The following PABIR3 variants were observed in gnomAD, a reference collection of about 807,000 sequenced individuals.
The protein encoded by PABIR3 is PABIR family member 3, also known as PABIR family member 1.
A neutral mutation model predicts 23.1 loss-of-function variants in PABIR3; 20 were observed. The observed-to-expected ratio is 0.86, with a 90% confidence interval of 0.61 to 1.26. The LOEUF is 1.26. Ranked by LOEUF, PABIR3 falls within the 50% of genes most tolerant of loss-of-function variation. The pLI, the probability that PABIR3 is intolerant of heterozygous loss-of-function variation, is 0.00. For synonymous variants in PABIR3, 69 were observed against 68.5 expected, an observed-to-expected ratio of 1.01 and a Z score of -0.04; for missense variants, 189 against 195.4, an observed-to-expected ratio of 0.97 and a Z score of 0.20.
intron 4 of PABIR3, among the ~76,000 whole-genome samples, chrX:134,832,274 C>CA (rs1278569121): frequency 3.9e-5 from 4 of 101,331 alleles, no homozygotes; most frequent in African/African-American, 7.1e-5. Context: ...GACTCCGTCT[C>CA]AAAAAAAAGA....
chrX:134,822,704 TAA>T (rs1477637358), intron 3 of PABIR3: 7 of 680,066 alleles, frequency 1.0e-5, no homozygotes, highest in African/African-American at 9.5e-5. Flanking sequence ...TTCTCACTTA[TAA>T]GTCGGAGCTA....
At chrX:134,797,868 C>T (rs2079945569) in intron 1 of PABIR3, among the ~76,000 whole-genome samples, 1 of 104,702 alleles carries the variant, frequency 9.6e-6, no homozygotes. Flanking sequence ...GGCTGGAGGG[C>T]AGTGCACGAT....
At chrX:134,821,548 G>T in intron 3 of PABIR3, 2 of 1,150,810 alleles carry the variant, frequency 1.7e-6, no homozygotes, top group Non-Finnish European at 2.3e-6. Flanking sequence ...AAAGGAAGCA[G>T]GGGAAATGTC....
At chrX:134,843,165 C>T (rs1049743266) in intron 4 of PABIR3, among the ~76,000 whole-genome samples, 22 of 110,257 alleles carry the variant, frequency 2.0e-4, no homozygotes, top group Non-Finnish European at 9.5e-5. Flanking sequence ...CACCATTGCA[C>T]TCTAGCCTGG....
intron 3 of PABIR3, among the ~76,000 whole-genome samples, chrX:134,828,047 C>CTCTCTCTCTCTCTCTCTCTCTA (rs1466733144): frequency 2.0e-5 from 1 of 49,420 alleles, no homozygotes; most frequent in African/African-American, 8.2e-5. Context: ...CTCTCTCTCT[C>CTCTCTCTCTCTCTCTCTCTCTA]TATATATATA....
chrX:134,860,191 A>G, the PABIR3 span, among the ~76,000 whole-genome samples: 1 of 110,608 alleles, frequency 9.0e-6, no homozygotes, highest in Non-Finnish European at 1.9e-5. Context: ...CTCCCAGTTC[A>G]AGCGATTCTT....
chrX:134,846,683 G>A (rs1188014774), intron 6 of PABIR3, among the ~76,000 whole-genome samples: 1 of 112,009 alleles, frequency 8.9e-6, no homozygotes, highest in Non-Finnish European at 1.9e-5. Flanking sequence ...CCCTGATTTT[G>A]GAGTAGGTCC....
At chrX:134,816,158 A>T (rs943000652) in intron 3 of PABIR3, among the ~76,000 whole-genome samples, 1 of 112,275 alleles carries the variant, frequency 8.9e-6, no homozygotes, top group African/African-American at 3.2e-5. Context: ...ATCTGTATTC[A>T]TAAGAGATAT....
chrX:134,815,530 T>G (rs747298629), intron 3 of PABIR3, among the ~76,000 whole-genome samples: 47 of 111,914 alleles, frequency 4.2e-4, no homozygotes, highest in Non-Finnish European at 7.5e-4. Context: ...CCAGTACCTC[T>G]CTCTAGTTTC....
At chrX:134,825,083 G>T (rs181530094) in intron 3 of PABIR3, among the ~76,000 whole-genome samples, 1 of 111,432 alleles carries the variant, frequency 9.0e-6, no homozygotes, top group Admixed American at 9.6e-5. Flanking sequence ...AGAGCCGGAG[G>T]GGGGTATGTG....
chrX:134,838,046 T>C (rs1221892703), intron 4 of PABIR3, among the ~76,000 whole-genome samples: 1 of 111,910 alleles, frequency 8.9e-6, no homozygotes, highest in Non-Finnish European at 1.9e-5. Context: ...GTTTTAAGAC[T>C]CAAAGCTCTC....
intron 3 of PABIR3, among the ~76,000 whole-genome samples, chrX:134,819,660 G>A (rs1044613042): frequency 1.8e-5 from 2 of 111,196 alleles, no homozygotes; most frequent in Admixed American, 1.9e-4. Flanking sequence ...CAAGGTGGGC[G>A]GATCACCTGA....
At chrX:134,837,223 G>A (rs1340318282) in intron 4 of PABIR3, among the ~76,000 whole-genome samples, 1 of 110,093 alleles carries the variant, frequency 9.1e-6, no homozygotes, top group Non-Finnish European at 1.9e-5. Context: ...AGGCATGCCT[G>A]TAATCCCAGC....
chrX:134,854,769 T>A lies in PABIR3; in HGVS notation c.*552T>A, dbSNP rs2082737033. On this transcript the variant is annotated 3_prime_UTR_variant, in exon 11 of 11. Transcript: ENST00000645433. ...GCACATGAATCCTTAGATATTCAATTTGTTGGGAAGCAGTAGGTAGGAGAA... is the reference window on the plus strand; with the variant it reads ...GCACATGAATCCTTAGATATTCAATATGTTGGGAAGCAGTAGGTAGGAGAA... The A allele has an allele frequency of 8.9e-6, 1 of 111,935 alleles. No homozygotes were observed. 9.2% of individuals were successfully genotyped at this position (111,935 alleles called of 1,213,427 possible). A position where few individuals can be genotyped will look rare whatever the true frequency, so the allele number is the denominator to read the frequency against.
At chrX:134,855,446 T>A (rs1167290455), downstream of PABIR3, among the ~76,000 whole-genome samples, 4 of 110,069 alleles carry the variant, frequency 3.6e-5, no homozygotes, top group Non-Finnish European at 7.6e-5. Context: ...AAAAAAAAAA[T>A]TAAATTTAAA....
chrX:134,821,785 C>T lies in PABIR3; in HGVS notation c.189+6936C>T, dbSNP rs1234879084. Reference sequence around the variant, plus strand: ...AGTTCATGTTAAGTAGCATTATAAACCATCTTAAATCATTTCTGAAACTAG... The same window carrying T: ...AGTTCATGTTAAGTAGCATTATAAATCATCTTAAATCATTTCTGAAACTAG... On this transcript the variant is annotated intron_variant, in intron 3 of 10. Coordinates refer to ENST00000645433, the MANE Select transcript of PABIR3 (RefSeq NM_001388447.1). The T allele has an allele frequency of 1.5e-5, 13 of 892,993 alleles. No homozygotes were observed. In the East Asian group the frequency reaches 5.2e-4, roughly 36 times the overall value. The allele number at this position is 892,993 out of a possible 1,213,427, so 73.6% of individuals were successfully genotyped here.
upstream of PABIR3, chrX:134,796,483 T>A (rs2079828251): frequency 1.8e-5 from 5 of 271,272 alleles, no homozygotes; most frequent in African/African-American, 6.4e-5. Context: ...AGGAAAAGGA[T>A]GAAGGAAAGA....
chrX:134,810,256 C>T (rs748021220), intron 2 of PABIR3: 8 of 754,147 alleles, frequency 1.1e-5, no homozygotes, highest in Non-Finnish European at 1.3e-5. Context: ...TCAGTTATCC[C>T]TTCATACCTT....
the PABIR3 span, among the ~76,000 whole-genome samples, chrX:134,860,151 G>A: frequency 2.7e-5 from 3 of 110,406 alleles, no homozygotes; most frequent in Non-Finnish European, 5.7e-5. Context: ...GGAGTGCAGT[G>A]GTGTGGTTTC....
Sources: gnomAD v4.1 joint callset for allele counts (sites outside exome capture counted in the v4.1 genomes callset) on GRCh38, gnomAD v4.1.1 for gene constraint, MANE v1.5 for transcripts, NCBI Gene and HGNC (gene_info 2026-07-23, HGNC 2026-07-21) for gene names.